Variants in ZNF696 observed in about 807,000 individuals in gnomAD.
The protein encoded by ZNF696 is zinc finger protein 696.
Under a neutral mutation model 12.3 loss-of-function variants are expected in ZNF696, and 10 were observed. The observed-to-expected ratio is 0.81, with a 90% CI of 0.50 to 1.38. ZNF696 has a LOEUF of 1.38. Ranked by LOEUF, ZNF696 falls within the 40% of genes most tolerant of loss-of-function variation. The pLI is 0.00. For missense variants in ZNF696, 675 were observed against 554.7 expected (o/e 1.22, Z -2.18); for synonymous variants, 304 against 243.9 (o/e 1.25, Z -2.29).
In ZNF696 at chr8:143,291,629, A is replaced by C; in HGVS notation, c.-169A>C. On this transcript the variant is annotated 5_prime_UTR_variant, in exon 1 of 3. Coordinates refer to ENST00000330143, the MANE Select transcript of ZNF696 (RefSeq NM_030895.3). ...CCTGCAGGTGCGTACCCGGGGTCCG[A>C]CACGTGCGGGGCTTCCTGCGAGCTG... 1.0e-6 allele frequency: 1 copy of C among 985,384 alleles called. No homozygotes were observed. The highest frequency in any genetic ancestry group is 1.2e-6 in the Non-Finnish European group (1 of 829,914). The allele number at this position is 985,384 out of a possible 1,614,324, so 61.0% of individuals were successfully genotyped here. A position where few individuals can be genotyped will look rare whatever the true frequency, so the allele number is the denominator to read the frequency against.
chr8:143,294,409 CA>C (rs1175533610), intron 2 of ZNF696, among the ~76,000 whole-genome samples: 1 of 146,650 alleles, frequency 6.8e-6, no homozygotes, highest in Non-Finnish European at 1.5e-5. Context: ...TTTTTTAAGA[CA>C]AAGTCTTGCT....
rs929381224 is a variant in ZNF696 at position 143,297,780 on chromosome 8, T to C, written c.*980T>C. On this transcript the variant is annotated 3_prime_UTR_variant, in exon 3 of 3. Coordinates refer to ENST00000330143, the MANE Select transcript of ZNF696 (RefSeq NM_030895.3). ...TGGGTTCTGCACTAGCTCCGGGCAA[T>C]TGGTGACAGAATCGAGTTAAATTGT... is the stretch of plus-strand genomic sequence containing the variant. The C allele has an allele frequency of 2.0e-5, 3 of 152,080 alleles. No individual in the cohort carries two copies. Among genetic ancestry groups the C allele is most frequent in the Non-Finnish European group, 4.4e-5 (3 of 68,028 alleles). 9.4% of individuals were successfully genotyped at this position (152,080 alleles called of 1,614,324 possible).
At chr8:143,293,180 C>T (rs1186756573) in intron 2 of ZNF696, 115 bp downstream of exon 2, 28 of 890,214 alleles carry the variant, frequency 3.1e-5, no homozygotes, top group Admixed American at 4.6e-5. Flanking sequence ...TGTCCTTGGG[C>T]GCAGGGTGAG....
chr8:143,295,426 T>C (rs1187910510), intron 2 of ZNF696: 1 of 627,618 alleles, frequency 1.6e-6, no homozygotes. Context: ...ACTCCAAGTC[T>C]CAAGTGGTCC....
Position 143,298,561 on chromosome 8 carries a change from G to A in ZNF696, c.*1761G>A, listed in dbSNP as rs990778094. Among the ~76,000 whole-genome samples the A allele has an allele frequency of 1.3e-5, 2 of 152,122 alleles. No individual in the cohort carries two copies. The highest frequency in any genetic ancestry group is 2.9e-5 in the Non-Finnish European group (2 of 67,998). ...TTGCAAAGATCCCCAAGCACACAAG[G>A]AGAGTCAGCTGACTGAGGGCCAACA... On this transcript the variant is annotated 3_prime_UTR_variant, in exon 3 of 3. Transcript: ENST00000330143.
rs1349309299 is a variant in ZNF696, at chr8:143,296,622, C to G, written c.947C>G (p.Thr316Ser). Residue 316 changes from threonine to serine, a missense_variant, in exon 3 of 3, where the codon ACC (threonine) becomes AGC (serine). Physicochemically the swap from Thr to Ser is moderately conservative, Grantham distance 58. Transcript: ENST00000330143. ...SFLREHRRIH[T>S]GEKPHQCGHC... ...CTCCGCGAGCACCGCCGCATCCACA[C>G]CGGGGAGAAGCCCCACCAGTGCGGC... The G allele has an allele frequency of 5.0e-6, 8 of 1,585,794 alleles. No homozygotes were observed. The highest frequency in any genetic ancestry group is 4.3e-6 in the Non-Finnish European group (5 of 1,172,362).
Position 143,295,794 on chromosome 8 carries a change from T to C in ZNF696, c.119T>C (p.Val40Ala). The part of the protein sequence containing the change: ...QAPSGSRSAE[V>A]QAAQSTEPAA... Reference sequence around the variant, plus strand: ...CCGAGTGGCAGCCGGTCAGCCGAGGTGCAGGCAGCTCAGAGCACGGAGCCT... The same window carrying C: ...CCGAGTGGCAGCCGGTCAGCCGAGGCGCAGGCAGCTCAGAGCACGGAGCCT... The change falls in exon 3 of 3, where the codon GTG (valine) becomes GCG (alanine). Residue 40 changes from valine to alanine, a missense_variant. Physicochemically the swap from Val to Ala is moderately conservative, Grantham distance 64 (BLOSUM62 0). Transcript: ENST00000330143. The C allele has an allele frequency of 6.2e-7, 1 of 1,603,970 alleles. No homozygotes were observed. Among genetic ancestry groups the C allele is most frequent in the Non-Finnish European group, 8.5e-7 (1 of 1,176,460 alleles).
At chr8:143,295,052 A>T (rs1456702547) in intron 2 of ZNF696, among the ~76,000 whole-genome samples, 2 of 151,928 alleles carry the variant, frequency 1.3e-5, no homozygotes, top group African/African-American at 4.8e-5. Context: ...ACTGCACTCC[A>T]GCCTGGGTGA....
Position 143,298,381 on chromosome 8 carries a change from C to A in ZNF696, c.*1581C>A, listed in dbSNP as rs1815753616. Among the ~76,000 whole-genome samples, 1 of 152,148 alleles carries A rather than the reference C, an allele frequency of 6.6e-6. No homozygotes were observed. Among genetic ancestry groups the A allele is most frequent in the Non-Finnish European group, 1.5e-5 (1 of 68,018 alleles). On this transcript the variant is annotated 3_prime_UTR_variant, in exon 3 of 3. Coordinates refer to ENST00000330143, the MANE Select transcript of ZNF696 (RefSeq NM_030895.3). ...TGGTGGCCCCACCGTTAATTAAGCT[C>A]CTGACCCCTGGGCCGGTGGTGAGGT...
At position 143,296,942 on chromosome 8, in the gene ZNF696, G is replaced by A; in HGVS notation, c.*142G>A. ...TCTCGGGTTGCGAAAGCCTCGCCAG[G>A]CCTGCATCCGCCTTGGCTTGGGAGC... On this transcript the variant is annotated 3_prime_UTR_variant, in exon 3 of 3. Transcript: ENST00000330143. 6.6e-6 allele frequency: 5 copies of A among 761,420 alleles called. No homozygotes were observed. The highest frequency in any genetic ancestry group is 9.5e-6 in the Non-Finnish European group (5 of 528,424). 47.2% of individuals were successfully genotyped at this position (761,420 alleles called of 1,614,324 possible). A position where few individuals can be genotyped will look rare whatever the true frequency, so the allele number is the denominator to read the frequency against.
chr8:143,291,574 C>T lies in ZNF696; in HGVS notation c.-224C>T. 3.0e-6 allele frequency: 3 copies of T among 984,234 alleles called. No individual in the cohort carries two copies. Among genetic ancestry groups the T allele is most frequent in the African/African-American group, 1.7e-5 (1 of 57,348 alleles). The allele number at this position is 984,234 out of a possible 1,614,324, so 61.0% of individuals were successfully genotyped here. A position where few individuals can be genotyped will look rare whatever the true frequency, so the allele number is the denominator to read the frequency against. ...CTCTCCTTGCAGTGCAGGCCCCAGC[C>T]GCTCTCGGGCGCGGCGTGGGGGAGG... On this transcript the variant is annotated 5_prime_UTR_variant, in exon 1 of 3. Transcript: ENST00000330143.
rs1009532284 is a variant in ZNF696, at chr8:143,296,833, C to T, written c.*33C>T. Reference sequence around the variant, plus strand: ...CTGCGGCGGAAGAGATGCCGGCGGCCTGGTGGGCGCGAGGCCGAGGCCGGG... The same window carrying T: ...CTGCGGCGGAAGAGATGCCGGCGGCTTGGTGGGCGCGAGGCCGAGGCCGGG... On this transcript the variant is annotated 3_prime_UTR_variant, in exon 3 of 3. Transcript: ENST00000330143. 1.5e-6 allele frequency: 2 copies of T among 1,374,868 alleles called. No homozygotes were observed. The highest frequency in any genetic ancestry group is 1.9e-6 in the Non-Finnish European group (2 of 1,070,964). The allele number at this position is 1,374,868 out of a possible 1,614,324, so 85.2% of individuals were successfully genotyped here. A position where few individuals can be genotyped will look rare whatever the true frequency, so the allele number is the denominator to read the frequency against.
chr8:143,291,529 C>A lies in ZNF696; in HGVS notation c.-269C>A. 1.0e-6 allele frequency: 1 copy of A among 984,468 alleles called. No individual in the cohort carries two copies. The highest frequency in any genetic ancestry group is 1.2e-6 in the Non-Finnish European group (1 of 829,078). The allele number at this position is 984,468 out of a possible 1,614,324, so 61.0% of individuals were successfully genotyped here. A position where few individuals can be genotyped will look rare whatever the true frequency, so the allele number is the denominator to read the frequency against. ...GAGAGAACGGGGCGGTCACCGCCGC[C>A]GTGGCCCGCGCGTCCCGCGCTCTCC... On this transcript the variant is annotated 5_prime_UTR_variant, in exon 1 of 3. Transcript: ENST00000330143.
At chr8:143,292,912 C>A in intron 1 of ZNF696, 60 bp from the exon 2 acceptor site, 1 of 1,462,156 alleles carries the variant, frequency 6.8e-7, no homozygotes. Flanking sequence ...ACCTCACTGC[C>A]CCTGGCCCCT....
At chr8:143,293,750 T>G (rs1167397045) in intron 2 of ZNF696, among the ~76,000 whole-genome samples, 1 of 152,244 alleles carries the variant, frequency 6.6e-6, no homozygotes, top group Non-Finnish European at 1.5e-5. Context: ...AGTCAGTTCT[T>G]GAACTTCCAA....
Position 143,293,063 on chromosome 8 carries a change from C to T in ZNF696, c.62C>T (p.Ala21Val). The change falls in exon 2 of 3, where the codon GCA becomes GTA. Residue 21 changes from alanine (A) to valine (V), a missense_variant and splice_region_variant. Transcript: ENST00000330143. ...AGCAGTACCCTGATGGAGTCCCTTG[C>T]AGGTGAGGGGACATGTCCACAGTCG... The part of the protein sequence containing the change: ...KESSTLMESL[A>V]AVKAAFLAQA... The T allele has an allele frequency of 6.2e-7, 1 of 1,613,390 alleles. No homozygotes were observed.
intron 1 of ZNF696, chr8:143,292,355 A>G (rs780393528): frequency 6.6e-6 from 1 of 151,390 alleles, no homozygotes; most frequent in Non-Finnish European, 1.5e-5. Context: ...GATCTTTGCC[A>G]ATTTTCCTTC....
At position 143,299,236 on chromosome 8, in the gene ZNF696, T is replaced by G. The variant is rs1040209725; in HGVS notation, c.*2436T>G. On this transcript the variant is annotated 3_prime_UTR_variant, in exon 3 of 3. Transcript: ENST00000330143. ...AGATGGAATGGCAAGCAAATAAAAT[T>G]ATAAATATGAATACATATGTATATA... 5.9e-5 allele frequency among the ~76,000 whole-genome samples: 9 copies of G among 152,136 alleles called. No homozygotes were observed. Among genetic ancestry groups the G allele is most frequent in the African/African-American group, 9.7e-5 (4 of 41,422 alleles).
In ZNF696 at chr8:143,295,972, G is replaced by T; in HGVS notation, c.297G>T (p.Gln99His). ...GPVTSEKTGG[Q>H]SGLESDVPPN... ...TCACTTCTGAGAAAACTGGAGGACA[G>T]AGTGGCCTCGAGTCAGACGTCCCTC... The change falls in exon 3 of 3, where the codon CAG (glutamine) becomes CAT (histidine). Residue 99 changes from glutamine (Q) to histidine (H), a missense_variant. By Grantham distance (24) the Gln-to-His change is conservative. Transcript: ENST00000330143. 1 of 1,582,728 alleles carries T rather than the reference G, an allele frequency of 6.3e-7. No homozygotes were observed.
Sources: gnomAD v4.1 joint callset for allele counts (sites outside exome capture counted in the v4.1 genomes callset) on GRCh38, gnomAD v4.1.1 for gene constraint, MANE v1.5 for transcripts, NCBI Gene and HGNC (gene_info 2026-07-23, HGNC 2026-07-21) for gene names.